Variants in OTOA observed in about 807,000 individuals in gnomAD.
OTOA encodes otoancorin.
Under a neutral mutation model 110.8 loss-of-function variants are expected in OTOA, and 70 were observed. The observed-to-expected ratio is 0.63, with a 90% CI of 0.52 to 0.77. The LOEUF (loss-of-function observed/expected upper bound fraction) is 0.77. OTOA is among the 30% of genes least tolerant of loss of function. The pLI, the probability that OTOA is intolerant of heterozygous loss-of-function variation, is 0.00. For synonymous variants in OTOA, 373 were observed against 431.5 expected (o/e 0.86, Z 1.68); for missense variants, 917 against 1,075.8 (o/e 0.85, Z 2.06).
intron 12 of OTOA, among the ~76,000 whole-genome samples, chr16:21,708,540 C>T (rs1898261523): frequency 6.6e-6 from 1 of 152,128 alleles, no homozygotes; most frequent in South Asian, 2.1e-4. Flanking sequence ...AACAAGTTCC[C>T]AGGTGTTGCA....
chr16:21,703,819 G>C (rs1008891611), intron 11 of OTOA, among the ~76,000 whole-genome samples: 1 of 152,070 alleles, frequency 6.6e-6, no homozygotes, highest in African/African-American at 2.4e-5. Context: ...ATGAGTGCTT[G>C]GTTTCCACCA....
intron 5 of OTOA, among the ~76,000 whole-genome samples, chr16:21,679,443 C>T (rs926077232): frequency 6.6e-6 from 1 of 151,970 alleles, no homozygotes; most frequent in Non-Finnish European, 1.5e-5. Flanking sequence ...CTCTTGTTGC[C>T]CAGGATGGAG....
chr16:21,736,987 A>G (rs1268839694), intron 22 of OTOA, among the ~76,000 whole-genome samples: 2 of 152,310 alleles, frequency 1.3e-5, no homozygotes, highest in Admixed American at 6.5e-5. Context: ...TAGCAGTGAC[A>G]GGGCCGGGCT....
chr16:21,699,677 G>C (rs1423365776), intron 10 of OTOA, among the ~76,000 whole-genome samples: 1 of 152,114 alleles, frequency 6.6e-6, no homozygotes, highest in Non-Finnish European at 1.5e-5. Context: ...CCAGCACTTT[G>C]GGAGGCTGAG....
Position 21,681,735 on chromosome 16 carries a change from A to T in OTOA, c.180-3A>T. On this transcript the variant is annotated splice_region_variant and splice_polypyrimidine_tract_variant and intron_variant, in intron 5 of 28. Coordinates refer to ENST00000646100, the MANE Select transcript of OTOA (RefSeq NM_144672.4). The stretch of plus-strand genomic sequence containing the variant: ...ATCTTTTCCTGTCTGTCTTCAACTG[A>T]AGCTCCCACGTGTGGACGGATGACC... 1.9e-6 allele frequency: 3 copies of T among 1,612,816 alleles called. No homozygotes were observed. Among genetic ancestry groups the T allele is most frequent in the Non-Finnish European group, 2.5e-6 (3 of 1,178,898 alleles).
intron 20 of OTOA, 132 bp from the exon 21 acceptor site, chr16:21,730,705 A>T (rs1003731817): frequency 1.4e-6 from 1 of 731,606 alleles, no homozygotes; most frequent in East Asian, 2.9e-5. Context: ...TTCTTGGTCA[A>T]GGAAGTGGGA....
At chr16:21,707,691 C>T (rs897847414) in intron 12 of OTOA, among the ~76,000 whole-genome samples, 11 of 140,604 alleles carry the variant, frequency 7.8e-5, no homozygotes, top group Admixed American at 1.5e-4. Context: ...CTCTTTCTTT[C>T]TTCCCTCCTT....
chr16:21,689,618 G>A lies in OTOA; in HGVS notation c.636-1966G>A, dbSNP rs143827166. Among the ~76,000 whole-genome samples, 139 of 152,232 alleles carry A rather than the reference G, an allele frequency of 9.1e-4. 1 individual carries two copies. Among genetic ancestry groups the A allele is most frequent in the African/African-American group, 3.3e-3 (136 of 41,556 alleles). On this transcript the variant is annotated intron_variant, in intron 8 of 28. Transcript: ENST00000646100. ...AGCTGGATCCAGAGACTCAAATGAT[G>A]CCATCAGAAACATCTTTGGCTCTTT... is the stretch of plus-strand genomic sequence containing the variant.
intron 9 of OTOA, among the ~76,000 whole-genome samples, chr16:21,694,228 G>A (rs1897888163): frequency 6.6e-6 from 1 of 152,082 alleles, no homozygotes; most frequent in Admixed American, 6.5e-5. Context: ...ATTACTTGAA[G>A]CCAAAAGTTC....
Position 21,751,774 on chromosome 16 carries a change from T to A in OTOA, c.2776-161T>A, listed in dbSNP as rs532453148. Among the ~76,000 whole-genome samples, 2 of 109,410 alleles carry A rather than the reference T, an allele frequency of 1.8e-5. 1 individual carries two copies. Among genetic ancestry groups the A allele is most frequent in the South Asian group, 6.5e-4 (2 of 3,086 alleles). The allele number at this position is 109,410 out of a possible 152,430, so 71.8% of individuals were successfully genotyped here. A position where few individuals can be genotyped will look rare whatever the true frequency, so the allele number is the denominator to read the frequency against. ...CAGTTGAAGTAGTATCTTAAGGACATGAACTTGGATGCAGAGGCCAGGATG... is the reference window on the plus strand; with the variant it reads ...CAGTTGAAGTAGTATCTTAAGGACAAGAACTTGGATGCAGAGGCCAGGATG... On this transcript the variant is annotated intron_variant, in intron 24 of 28. Transcript: ENST00000646100.
At chr16:21,719,957 CTTTTT>C (rs761325846) in intron 17 of OTOA, among the ~76,000 whole-genome samples, 1 of 136,562 alleles carries the variant, frequency 7.3e-6, no homozygotes. Flanking sequence ...TAACTGATTT[CTTTTT>C]TTTTTTTTTT....
chr16:21,704,999 G>T, intron 11 of OTOA, 170 bp from the exon 12 acceptor site: 1 of 1,062,394 alleles, frequency 9.4e-7, no homozygotes, highest in Non-Finnish European at 1.5e-6. Context: ...GTTAGGTTCC[G>T]CCTGTGGTTG....
chr16:21,713,919 C>T lies in OTOA; in HGVS notation c.1321-1066C>T, dbSNP rs368109739. Among the ~76,000 whole-genome samples the T allele has an allele frequency of 7.2e-4, 110 of 152,250 alleles. 1 individual carries two copies. The highest frequency in any genetic ancestry group is 2.5e-3 in the African/African-American group (104 of 41,544). The stretch of plus-strand genomic sequence containing the variant: ...TTTGATTTTAGGGAGTTGAGGGAGA[C>T]GGTTTTGTTCCCTCCCAGCCCAGGA... On this transcript the variant is annotated intron_variant, in intron 13 of 28. Coordinates refer to ENST00000646100, the MANE Select transcript of OTOA (RefSeq NM_144672.4).
In OTOA at chr16:21,760,632, G is replaced by C; in HGVS notation, c.*92G>C. The C allele has an allele frequency of 8.6e-7, 1 of 1,157,628 alleles. No homozygotes were observed. Among genetic ancestry groups the C allele is most frequent in the Non-Finnish European group, 1.3e-6 (1 of 794,758 alleles). The allele number at this position is 1,157,628 out of a possible 1,614,324, so 71.7% of individuals were successfully genotyped here. The stretch of plus-strand genomic sequence containing the variant: ...CCAGATGGTGGGACACCCTTCCCTG[G>C]ATCCAGACCCTCATCTAGGGCAGGG... On this transcript the variant is annotated 3_prime_UTR_variant, in exon 29 of 29. Coordinates refer to ENST00000646100, the MANE Select transcript of OTOA (RefSeq NM_144672.4).
At chr16:21,694,305 C>T (rs1897890239) in intron 9 of OTOA, among the ~76,000 whole-genome samples, 1 of 151,874 alleles carries the variant, frequency 6.6e-6, no homozygotes, top group East Asian at 1.9e-4. Flanking sequence ...TAGCCGGTGT[C>T]CTGGTACATG....
chr16:21,687,516 T>C lies in OTOA; in HGVS notation c.503T>C (p.Phe168Ser). ...SLFLITLERC[F>S]QMLNSLECVE... Reference sequence around the variant, plus strand: ...TTTCTCATCACACTGGAGAGGTGTTTCCAGATGCTGAACTCCCTGGAGTGT... The same window carrying C: ...TTTCTCATCACACTGGAGAGGTGTTCCCAGATGCTGAACTCCCTGGAGTGT... Residue 168 changes from phenylalanine (F) to serine (S), a missense_variant, in exon 8 of 29, where the codon TTC becomes TCC. Around this residue, in one of 6 missense-constraint regions of OTOA, gnomAD observed 840 missense variants for 910.2 expected, o/e 0.92. Transcript: ENST00000646100. 6.2e-7 allele frequency: 1 copy of C among 1,614,104 alleles called. No homozygotes were observed. The highest frequency in any genetic ancestry group is 2.2e-5 in the East Asian group (1 of 44,880).
In OTOA at chr16:21,691,874, G is replaced by A. The variant is rs1290643431; in HGVS notation, c.739+187G>A. Among the ~76,000 whole-genome samples the A allele has an allele frequency of 1.3e-5, 2 of 152,090 alleles. 1 individual carries two copies. Among genetic ancestry groups the A allele is most frequent in the Non-Finnish European group, 2.9e-5 (2 of 68,030 alleles). ...ATACTCCATTTCGTCAATGCAATTC[G>A]CACATGTGGAAGTCTGAAATAATGA... On this transcript the variant is annotated intron_variant, in intron 9 of 28. Transcript: ENST00000646100.
At chr16:21,725,278 T>C (rs1898877586) in intron 18 of OTOA, among the ~76,000 whole-genome samples, 1 of 152,030 alleles carries the variant, frequency 6.6e-6, no homozygotes, top group African/African-American at 2.4e-5. Context: ...GAAGTTAGAA[T>C]AGATTTTTTT....
chr16:21,695,435 T>A (rs898948229), intron 9 of OTOA, among the ~76,000 whole-genome samples: 1 of 151,972 alleles, frequency 6.6e-6, no homozygotes, highest in African/African-American at 2.4e-5. Flanking sequence ...TTATGCTTAG[T>A]AATAAGTTAA....
Sources: allele counts gnomAD v4.1 joint callset (sites outside exome capture counted in the v4.1 genomes callset), GRCh38; gene constraint gnomAD v4.1.1; regional missense constraint gnomAD v4.1.1; transcripts MANE v1.5; gene names NCBI Gene and HGNC (gene_info 2026-07-23, HGNC 2026-07-21).